WDR87: variants seen among roughly 807,000 people sequenced by gnomAD.
WDR87 encodes WD repeat-containing protein 87.
In WDR87, 56 loss-of-function variants were observed where a neutral mutation model predicts 83.3. That is an observed-to-expected ratio of 0.67 (90% CI 0.54 to 0.84). The LOEUF (loss-of-function observed/expected upper bound fraction) is 0.84. Among genes scored for constraint, WDR87 ranks in the 40% least tolerant of loss-of-function variants. The pLI, the probability that WDR87 is intolerant of heterozygous loss-of-function variation, is 0.00. For synonymous variants in WDR87, 1,173 were observed against 1,250.6 expected, an observed-to-expected ratio of 0.94 and a Z score of 1.31; for missense variants, 2,939 against 3,431.9, an observed-to-expected ratio of 0.86 and a Z score of 3.59.
At chr19:37,901,483 G>A (rs2046293457) in intron 1 of WDR87, among the ~76,000 whole-genome samples, 2 of 152,084 alleles carry the variant, frequency 1.3e-5, no homozygotes, top group South Asian at 4.1e-4. Flanking sequence ...ACAACTCAGA[G>A]TTACCCCACT....
chr19:37,897,447 T>C (rs1756354775), intron 2 of WDR87, among the ~76,000 whole-genome samples: 1 of 151,550 alleles, frequency 6.6e-6, no homozygotes, highest in African/African-American at 2.4e-5. Context: ...CGAGCTCAGG[T>C]GATCTGCCTA....
rs765067140 is a variant in WDR87, at chr19:37,892,807, G to T, written c.2896C>A (p.Leu966Met). Residue 966 changes from leucine to methionine, a missense_variant, in exon 4 of 6, where the codon CTG (leucine) becomes ATG (methionine). Leu to Met is a conservative substitution (Grantham distance 15, BLOSUM62 2). This residue lies in a region of WDR87 where 2,160 missense variants were observed against 2,533.1 expected (regional missense o/e 0.85). Coordinates refer to ENST00000447313, the MANE Select transcript of WDR87 (RefSeq NM_001291088.2). Reference sequence around the variant, plus strand: ...GGGTTGGAATTGGTTGTATCATTCAGTAGCCGACGGGCTGTCTCAGAGCGT... The same window carrying T: ...GGGTTGGAATTGGTTGTATCATTCATTAGCCGACGGGCTGTCTCAGAGCGT... ...ALRSETARRLLNDTTNSNPLI... is the reference protein window; with the variant it reads ...ALRSETARRLMNDTTNSNPLI... The T allele has an allele frequency of 1.3e-6, 2 of 1,551,788 alleles. No individual in the cohort carries two copies. Among genetic ancestry groups the T allele is most frequent in the Non-Finnish European group, 1.7e-6 (2 of 1,147,020 alleles).
Position 37,897,662 on chromosome 19 carries a change from T to C in WDR87, c.75+503A>G, listed in dbSNP as rs139198877. Among the ~76,000 whole-genome samples the C allele has an allele frequency of 7.9e-3, 1,197 of 152,018 alleles. 20 individuals are homozygous for C. The highest frequency in any genetic ancestry group is 0.028 in the African/African-American group (1,154 of 41,500). On this transcript the variant is annotated intron_variant, in intron 2 of 5. Transcript: ENST00000447313. Reference sequence around the variant, plus strand: ...ACTTTGGGAGGCCGAGGTGGGCAGATTACTTGAGCTCAGGAGTTCACGACC... The same window carrying C: ...ACTTTGGGAGGCCGAGGTGGGCAGACTACTTGAGCTCAGGAGTTCACGACC...
At chr19:37,896,347 C>G in intron 2 of WDR87, 39 bp from the exon 3 acceptor site, 1 of 1,540,300 alleles carries the variant, frequency 6.5e-7, no homozygotes, top group Non-Finnish European at 8.8e-7. Context: ...GGCCAGGGCA[C>G]AGAGGCACTA....
rs752515628 is a variant in WDR87 at position 37,893,082 on chromosome 19, G to A, written c.2621C>T (p.Thr874Ile). The change falls in exon 4 of 6, where the codon ACA (threonine) becomes ATA (isoleucine). Residue 874 changes from threonine (T) to isoleucine (I), a missense_variant. Thr to Ile is a moderately conservative substitution (Grantham distance 89). Coordinates refer to ENST00000447313, the MANE Select transcript of WDR87 (RefSeq NM_001291088.2). ...WHSRVRAISNTEYPKNKEEDE... is the reference protein window; with the variant it reads ...WHSRVRAISNIEYPKNKEEDE... The stretch of plus-strand genomic sequence containing the variant: ...CTCCTCCTTATTCTTTGGATATTCT[G>A]TATTACTTATAGCTCTTACCCTGCT... The A allele has an allele frequency of 4.5e-6, 7 of 1,551,700 alleles. No homozygotes were observed. The highest frequency in any genetic ancestry group is 6.1e-6 in the Non-Finnish European group (7 of 1,147,002).
intron 1 of WDR87, among the ~76,000 whole-genome samples, chr19:37,901,063 C>T (rs796520834): frequency 2.3e-4 from 35 of 149,644 alleles, no homozygotes; most frequent in African/African-American, 8.6e-4. Context: ...CACTTGAGCT[C>T]AGGAGGTTGA....
In WDR87 at chr19:37,895,351, A is replaced by G. The variant is rs1405396292; in HGVS notation, c.352T>C (p.Phe118Leu). 2.6e-6 allele frequency: 4 copies of G among 1,551,750 alleles called. No homozygotes were observed. The Admixed American group carries it at 7.8e-5, about 30-fold the overall frequency. ...CCACAGTAGACCACGAGGATATGAA[A>G]GGAGCCTGCATGGACCATGGACTGG... ...PIQSMVHAGS[F>L]HILVVYCGDL... The change falls in exon 4 of 6, where the codon TTT becomes CTT. Residue 118 changes from phenylalanine (F) to leucine (L), a missense_variant. By Grantham distance (22) the Phe-to-Leu change is conservative (BLOSUM62 0). Around this residue, in one of 3 missense-constraint regions of WDR87, gnomAD observed 226 missense variants for 320.9 expected, o/e 0.70. Coordinates refer to ENST00000447313, the MANE Select transcript of WDR87 (RefSeq NM_001291088.2).
intron 5 of WDR87, 46 bp downstream of exon 5, chr19:37,891,506 G>T (rs1007494214): frequency 6.5e-7 from 1 of 1,542,346 alleles, no homozygotes; most frequent in Admixed American, 2.0e-5. Context: ...TAACTACCCT[G>T]CCTCTTGGGG....
chr19:37,899,703 C>T (rs916861753), intron 1 of WDR87, among the ~76,000 whole-genome samples: 6 of 152,134 alleles, frequency 3.9e-5, no homozygotes, highest in Non-Finnish European at 7.4e-5. Flanking sequence ...CTACCTTGGC[C>T]TCCCCAAATG....
chr19:37,904,183 T>G (rs2046309315), intron 1 of WDR87, among the ~76,000 whole-genome samples: 1 of 152,196 alleles, frequency 6.6e-6, no homozygotes, highest in African/African-American at 2.4e-5. Flanking sequence ...ATTACAGGCA[T>G]GAGCCACTGC....
At chr19:37,891,248 C>T (rs1424095993) in intron 5 of WDR87, among the ~76,000 whole-genome samples, 1 of 151,352 alleles carries the variant, frequency 6.6e-6, no homozygotes. Flanking sequence ...ATTGCAACCT[C>T]CACCTCCTGG....
Position 37,890,282 on chromosome 19 carries a change from G to A in WDR87, c.3395-6C>T. 6.6e-7 allele frequency: 1 copy of A among 1,515,070 alleles called. No individual in the cohort carries two copies. The highest frequency in any genetic ancestry group is 1.3e-5 in the South Asian group (1 of 79,252). 93.9% of individuals were successfully genotyped at this position (1,515,070 alleles called of 1,614,324 possible). ...ACCCCGCAACCATTTTTGGCCTGCA[G>A]TAAAAATCGAGAGATGGAGGTAAGC... On this transcript the variant is annotated splice_polypyrimidine_tract_variant and splice_region_variant and intron_variant, in intron 5 of 5. Transcript: ENST00000447313.
chr19:37,889,049 T>G lies in WDR87; in HGVS notation c.4622A>C (p.Lys1541Thr), dbSNP rs1442850726. The change falls in exon 6 of 6, where the codon AAG becomes ACG. Residue 1541 changes from lysine to threonine, a missense_variant. Lys to Thr is a moderately conservative substitution (Grantham distance 78). Transcript: ENST00000447313. ...AAGCATTTCCTCCTCCGGGGATAGC[T>G]TCTCTCCAGCCTGATGTAGTTTCTC... ...EEEKLHQAGE[K>T]LSPEEEMLQE... 1.4e-5 allele frequency: 22 copies of G among 1,552,006 alleles called. No homozygotes were observed. Among genetic ancestry groups the G allele is most frequent in the Non-Finnish European group, 1.8e-5 (21 of 1,147,098 alleles).
At position 37,892,578 on chromosome 19, in the gene WDR87, T is replaced by C. The variant is rs2046214935; in HGVS notation, c.3125A>G (p.Gln1042Arg). The C allele has an allele frequency of 4.7e-6, 7 of 1,482,452 alleles. No individual in the cohort carries two copies. Among genetic ancestry groups the C allele is most frequent in the Non-Finnish European group, 6.3e-6 (7 of 1,111,632 alleles). 91.8% of individuals were successfully genotyped at this position (1,482,452 alleles called of 1,614,324 possible). Residue 1042 changes from glutamine (Q) to arginine (R), a missense_variant and splice_region_variant, in exon 4 of 6, where the codon CAG becomes CGG. Coordinates refer to ENST00000447313, the MANE Select transcript of WDR87 (RefSeq NM_001291088.2). ...TQKQETFREM[Q>R]QQMIGEEPLD... ...AGAATTGAAGGAAGCACAAACTTAC[T>C]GCATCTCCCGAAAAGTCTCTTGTTT...
At chr19:37,891,844 G>A in intron 4 of WDR87, 24 bp from the exon 5 acceptor site, 2 of 1,547,686 alleles carry the variant, frequency 1.3e-6, no homozygotes, top group South Asian at 2.4e-5. Flanking sequence ...AGGAGAAGAA[G>A]GACTATGCTG....
At position 37,886,933 on chromosome 19, in the gene WDR87, G is replaced by A. The variant is rs1372914378; in HGVS notation, c.6738C>T (p.Asp2246=). ...WRKRKEAKRG[D]KPKEKFSSQV... is the part of the protein sequence containing the mutation. ...GACTGGAAAACTTTTCTTTTGGTTT[G>A]TCACCTCTCTTGGCCTCTTTCCTCT... is the stretch of plus-strand genomic sequence containing the variant. The change falls in exon 6 of 6, where the codon GAC becomes GAT. Residue 2246 remains aspartate (D), a synonymous_variant. Coordinates refer to ENST00000447313, the MANE Select transcript of WDR87 (RefSeq NM_001291088.2). 6.4e-7 allele frequency: 1 copy of A among 1,551,500 alleles called. No homozygotes were observed.
rs1256821253 is a variant in WDR87 at position 37,887,800 on chromosome 19, T to G, written c.5871A>C (p.Gln1957His). The G allele has an allele frequency of 1.3e-6, 2 of 1,551,092 alleles. No homozygotes were observed. The highest frequency in any genetic ancestry group is 2.4e-5 in the South Asian group (2 of 83,810). ...GTTTTTTGGCCAAACTATCCTCTAC[T>G]TGGACCAATTTTTTCTCTGTTTCAG... is the stretch of plus-strand genomic sequence containing the variant. Reference protein sequence around the residue: ...KLAETEKKLVQVEDSLAKKQE... With the variant: ...KLAETEKKLVHVEDSLAKKQE... The change falls in exon 6 of 6, where the codon CAA (glutamine) becomes CAC (histidine). Residue 1957 changes from glutamine (Q) to histidine (H), a missense_variant. Around this residue, in one of 3 missense-constraint regions of WDR87, gnomAD observed 2,160 missense variants for 2,533.1 expected, o/e 0.85. Transcript: ENST00000447313.
At position 37,887,249 on chromosome 19, in the gene WDR87, C is replaced by T. The variant is rs889385533; in HGVS notation, c.6422G>A (p.Arg2141Lys). 9 of 1,551,610 alleles carry T rather than the reference C, an allele frequency of 5.8e-6. No homozygotes were observed. Among genetic ancestry groups the T allele is most frequent in the Non-Finnish European group, 7.8e-6 (9 of 1,146,952 alleles). ...CCTGCGCTCCTTAACAAAGAGTGCC[C>T]TCTTCATCTTTGTCATTTTTATTTC... ...QEEIKMTKMKRALFVKERRLS... is the reference protein window; with the variant it reads ...QEEIKMTKMKKALFVKERRLS... Residue 2141 changes from arginine to lysine, a missense_variant, in exon 6 of 6, where the codon AGG becomes AAG. Physicochemically the swap from Arg to Lys is conservative, Grantham distance 26. Around this residue, in one of 3 missense-constraint regions of WDR87, gnomAD observed 2,160 missense variants for 2,533.1 expected, o/e 0.85. Transcript: ENST00000447313.
chr19:37,890,373 A>G, intron 5 of WDR87, 97 bp from the exon 6 acceptor site: 3 of 1,385,032 alleles, frequency 2.2e-6, no homozygotes, highest in East Asian at 5.1e-5. Flanking sequence ...ACTGTCATAT[A>G]AGAAGTAACA....
Sources: gnomAD v4.1 joint callset for allele counts (sites outside exome capture counted in the v4.1 genomes callset) on GRCh38, gnomAD v4.1.1 for gene constraint, gnomAD v4.1.1 regional missense constraint, MANE v1.5 for transcripts, NCBI Gene and HGNC (gene_info 2026-07-23, HGNC 2026-07-21) for gene names.